The following CDH4 variants were observed in gnomAD, a reference collection of about 807,000 sequenced individuals.
CDH4 encodes cadherin 4, also known as cadherin-4.
A neutral mutation model predicts 86.0 loss-of-function variants in CDH4; 33 were observed. The ratio of observed to expected loss-of-function variants is 0.38; its 90% CI spans 0.29 to 0.51. The LOEUF is 0.51. CDH4 is among the 20% of genes least tolerant of loss of function. The probability of loss-of-function intolerance (pLI) is 0.86; values close to 1 mark genes in which losing one functional copy is unlikely to be tolerated. For missense variants in CDH4, 1,114 were observed against 1,307.4 expected, an observed-to-expected ratio of 0.85 and a Z score of 2.28; for synonymous variants, 555 against 549.4, an observed-to-expected ratio of 1.01 and a Z score of -0.14.
intron 2 of CDH4, among the ~76,000 whole-genome samples, chr20:61,680,776 C>T (rs1223496535): frequency 6.6e-6 from 1 of 152,192 alleles, no homozygotes; most frequent in Admixed American, 6.5e-5. Context: ...GATGCAGGAC[C>T]TCGGACAGCC....
intron 2 of CDH4, among the ~76,000 whole-genome samples, chr20:61,735,624 A>G (rs8124451): frequency 0.27 from 41,792 of 152,090 alleles, 5,889 homozygotes; most frequent in East Asian, 0.45. Context: ...GACTGAGGCC[A>G]CATCTGCCCC....
rs1429878997 is a variant in CDH4 at position 61,392,349 on chromosome 20, C to T, written c.169+137412C>T. On this transcript the variant is annotated intron_variant, in intron 2 of 15. Coordinates refer to ENST00000614565, the MANE Select transcript of CDH4 (RefSeq NM_001794.5). This position sits in a 1 kb window ranked among gnomAD's most constrained non-coding sequence, Gnocchi z 5.7. ...GCAGAGGCTCCCCTGCGATTCCGCT[C>T]GGAGTCCCACGCTGCTCAGTATGCA... Among the ~76,000 whole-genome samples, 2 of 152,256 alleles carry T rather than the reference C, an allele frequency of 1.3e-5. No individual in the cohort carries two copies. The highest frequency in any genetic ancestry group is 2.1e-4 in the South Asian group (1 of 4,806).
chr20:61,640,970 G>T (rs915469782), intron 2 of CDH4, among the ~76,000 whole-genome samples: 2 of 152,186 alleles, frequency 1.3e-5, no homozygotes, highest in Non-Finnish European at 2.9e-5. Flanking sequence ...CGCCCAGCCT[G>T]CATTCTGGAG....
chr20:61,576,638 C>G (rs186371631), intron 2 of CDH4, among the ~76,000 whole-genome samples: 1 of 152,350 alleles, frequency 6.6e-6, no homozygotes, highest in East Asian at 1.9e-4. Flanking sequence ...CCCTGCTGTT[C>G]TCTCCTCTGG....
intron 2 of CDH4, among the ~76,000 whole-genome samples, chr20:61,638,030 T>TAAAAAAAAAAAA (rs10664878): frequency 7.1e-6 from 1 of 141,398 alleles, no homozygotes; most frequent in Non-Finnish European, 1.5e-5. Flanking sequence ...AAACTCCGTC[T>TAAAAAAAAAAAA]AAAAAAAAAA....
chr20:61,541,950 G>C (rs2086042690), intron 2 of CDH4, among the ~76,000 whole-genome samples: 2 of 152,124 alleles, frequency 1.3e-5, no homozygotes, highest in African/African-American at 4.8e-5. Context: ...ATGGCTGTGT[G>C]GCCTGGTTTG....
In CDH4 at chr20:61,516,433, A is replaced by G. The variant is rs1367983515; in HGVS notation, c.170-227130A>G. Among the ~76,000 whole-genome samples, 2 of 152,078 alleles carry G rather than the reference A, an allele frequency of 1.3e-5. No individual in the cohort carries two copies. Among genetic ancestry groups the G allele is most frequent in the African/African-American group, 4.8e-5 (2 of 41,404 alleles). On this transcript the variant is annotated intron_variant, in intron 2 of 15. Transcript: ENST00000614565. This position sits in a 1 kb window ranked among gnomAD's most constrained non-coding sequence, Gnocchi z 4.0. ...ATCACCTCCGACTCCTCATCACCAGATGCCGCTGCGGCTTCCATTTTACAG... is the reference window on the plus strand; with the variant it reads ...ATCACCTCCGACTCCTCATCACCAGGTGCCGCTGCGGCTTCCATTTTACAG...
At chr20:61,820,150 A>G (rs1236943225) in intron 4 of CDH4, among the ~76,000 whole-genome samples, 8 of 152,070 alleles carry the variant, frequency 5.3e-5, no homozygotes, top group Admixed American at 4.6e-4. Context: ...TTTTGCCCAG[A>G]GGGCCCAGGT....
chr20:61,910,797 G>A (rs1032837165), intron 9 of CDH4, among the ~76,000 whole-genome samples, 190 bp downstream of exon 9: 1 of 152,006 alleles, frequency 6.6e-6, no homozygotes, highest in Non-Finnish European at 1.5e-5. Flanking sequence ...TGACCTTCAG[G>A]GGCTTGGCAG....
chr20:61,305,928 C>G (rs967795484), intron 2 of CDH4, among the ~76,000 whole-genome samples: 10 of 152,168 alleles, frequency 6.6e-5, no homozygotes, highest in Admixed American at 6.5e-5. Context: ...AATATATAGT[C>G]CCTAGTTGCT....
In CDH4 at chr20:61,807,735, A is replaced by G. The variant is rs1311145077; in HGVS notation, c.576+34553A>G. 6.6e-6 allele frequency among the ~76,000 whole-genome samples: 1 copy of G among 152,204 alleles called. No homozygotes were observed. Among genetic ancestry groups the G allele is most frequent in the Non-Finnish European group, 1.5e-5 (1 of 68,028 alleles). The stretch of plus-strand genomic sequence containing the variant: ...TGTGATGAACAAACCGACTCGGAAA[A>G]TGCCTGGCGCCAGTAGGAGGCCCAG... On this transcript the variant is annotated intron_variant, in intron 4 of 15. Transcript: ENST00000614565. The surrounding 1 kb of genome is among the most constrained non-coding windows in gnomAD (Gnocchi z 4.5).
chr20:61,626,272 G>A (rs969785287), intron 2 of CDH4, among the ~76,000 whole-genome samples: 3 of 152,238 alleles, frequency 2.0e-5, no homozygotes, highest in African/African-American at 7.2e-5. Context: ...CGTCAGAGCA[G>A]AGGGAATCAG....
chr20:61,297,206 C>T (rs1373405029), intron 2 of CDH4, among the ~76,000 whole-genome samples: 1 of 152,056 alleles, frequency 6.6e-6, no homozygotes, highest in East Asian at 1.9e-4. Flanking sequence ...GCCAACGTGG[C>T]AAAACCCCGT....
chr20:61,530,883 C>T (rs969952019), intron 2 of CDH4, among the ~76,000 whole-genome samples: 1 of 152,092 alleles, frequency 6.6e-6, no homozygotes, highest in African/African-American at 2.4e-5. Flanking sequence ...ACAGCGCTGT[C>T]CAGGGAGGAG....
chr20:61,290,754 G>T (rs949170785), intron 2 of CDH4, among the ~76,000 whole-genome samples: 2 of 152,184 alleles, frequency 1.3e-5, no homozygotes, highest in South Asian at 2.1e-4. Flanking sequence ...GCTGTGATGT[G>T]GGGGAGAAAG....
chr20:61,575,356 G>A (rs973008066), intron 2 of CDH4, among the ~76,000 whole-genome samples: 4 of 152,230 alleles, frequency 2.6e-5, no homozygotes, highest in East Asian at 1.9e-4. Flanking sequence ...ATATACTTAC[G>A]GGTTACACAC....
chr20:61,739,527 G>A (rs1470262388), intron 2 of CDH4, among the ~76,000 whole-genome samples: 1 of 152,202 alleles, frequency 6.6e-6, no homozygotes, highest in Admixed American at 6.5e-5. Flanking sequence ...AGGTTTCCAT[G>A]GGAGCCAACA....
chr20:61,553,556 T>C (rs565376947), intron 2 of CDH4, among the ~76,000 whole-genome samples: 60 of 152,336 alleles, frequency 3.9e-4, no homozygotes, highest in African/African-American at 1.4e-3. Context: ...TGTGTATGCA[T>C]CTGTCTTGCA....
chr20:61,760,429 T>G (rs1444505707), intron 3 of CDH4, among the ~76,000 whole-genome samples: 2 of 152,226 alleles, frequency 1.3e-5, no homozygotes, highest in Non-Finnish European at 2.9e-5. Flanking sequence ...CTCCATGCTC[T>G]GTGTCCTGTG....
Sources: allele counts gnomAD v4.1 joint callset (sites outside exome capture counted in the v4.1 genomes callset), GRCh38; gene constraint gnomAD v4.1.1; non-coding constraint Gnocchi (gnomAD v3.1); transcripts MANE v1.5; gene names NCBI Gene and HGNC (gene_info 2026-07-23, HGNC 2026-07-21).